The following IMMP2L variants were observed in gnomAD, a reference collection of about 807,000 sequenced individuals.
IMMP2L encodes the protein inner mitochondrial membrane peptidase subunit 2.
IMMP2L carries 18 observed loss-of-function variants against 19.3 expected under a neutral mutation model. That is an observed-to-expected ratio of 0.93 (90% CI 0.64 to 1.38). IMMP2L has a LOEUF of 1.38. Among genes scored for constraint, IMMP2L ranks in the 40% most tolerant of loss-of-function variants. IMMP2L has a pLI of 0.00. For missense variants in IMMP2L, 233 were observed against 218.2 expected (o/e 1.07, Z -0.43); for synonymous variants, 76 against 73.0 (o/e 1.04, Z -0.21).
chr7:110,720,491 T>TAAC (rs1795499052), intron 5 of IMMP2L, among the ~76,000 whole-genome samples: 1 of 152,188 alleles, frequency 6.6e-6, no homozygotes, highest in African/African-American at 2.4e-5. Context: ...TTGTCATAAC[T>TAAC]TTGTGAGGTT....
At chr7:111,471,074 A>C (rs529034895) in intron 3 of IMMP2L, among the ~76,000 whole-genome samples, 1 of 152,060 alleles carries the variant, frequency 6.6e-6, no homozygotes, top group Non-Finnish European at 1.5e-5. Context: ...CATTGGATTT[A>C]GCAATGAGAA....
chr7:110,932,342 T>C (rs900728032), intron 4 of IMMP2L, among the ~76,000 whole-genome samples: 7 of 152,164 alleles, frequency 4.6e-5, no homozygotes, highest in Admixed American at 3.3e-4. Flanking sequence ...TGTGTATTTA[T>C]TGAGAATGCA....
chr7:111,099,575 C>G (rs1016559417), intron 3 of IMMP2L, among the ~76,000 whole-genome samples: 1 of 151,676 alleles, frequency 6.6e-6, no homozygotes, highest in Non-Finnish European at 1.5e-5. Flanking sequence ...TTCAACTTGA[C>G]TGTCCTACAA....
chr7:111,288,256 G>A (rs1265840731), intron 3 of IMMP2L, among the ~76,000 whole-genome samples: 3 of 152,112 alleles, frequency 2.0e-5, no homozygotes, highest in South Asian at 2.1e-4. Context: ...CGTATTTGGT[G>A]GATTTAGGTT....
At chr7:111,279,021 C>T (rs1819409188) in intron 3 of IMMP2L, among the ~76,000 whole-genome samples, 2 of 151,976 alleles carry the variant, frequency 1.3e-5, no homozygotes, top group African/African-American at 4.8e-5. Flanking sequence ...CCATAAAAAT[C>T]AATTAACCTA....
chr7:111,522,283 C>T (rs577704394), intron 1 of IMMP2L, among the ~76,000 whole-genome samples: 4 of 151,970 alleles, frequency 2.6e-5, no homozygotes, highest in Non-Finnish European at 5.9e-5. Flanking sequence ...ACTTCAAAAG[C>T]ACAGTCAATC....
intron 5 of IMMP2L, among the ~76,000 whole-genome samples, chr7:110,726,726 C>T (rs1417784437): frequency 1.3e-5 from 2 of 152,120 alleles, no homozygotes; most frequent in Non-Finnish European, 2.9e-5. Flanking sequence ...TTTTGATGTG[C>T]GTATAGACTG....
chr7:111,351,556 T>G (rs1563091068), intron 3 of IMMP2L, among the ~76,000 whole-genome samples: 1 of 152,160 alleles, frequency 6.6e-6, no homozygotes, highest in Non-Finnish European at 1.5e-5. Flanking sequence ...CAGGAGCAAT[T>G]CATCACCAAC....
intron 3 of IMMP2L, chr7:111,411,714 A>G: frequency 4.9e-6 from 1 of 203,904 alleles, no homozygotes; most frequent in East Asian, 1.3e-4. Flanking sequence ...TTCAAGGGCC[A>G]GGTGCACATC....
chr7:111,364,248 C>T (rs56399656), intron 3 of IMMP2L, among the ~76,000 whole-genome samples: 1 of 151,998 alleles, frequency 6.6e-6, no homozygotes, highest in African/African-American at 2.4e-5. Flanking sequence ...ATAGCCAGCT[C>T]TTATAATTAG....
chr7:110,782,886 A>G (rs1036970756), intron 5 of IMMP2L, among the ~76,000 whole-genome samples: 1 of 151,938 alleles, frequency 6.6e-6, no homozygotes, highest in Non-Finnish European at 1.5e-5. Flanking sequence ...ATGTAGAAAG[A>G]TCAGAAAAGA....
intron 3 of IMMP2L, among the ~76,000 whole-genome samples, chr7:111,029,267 T>G (rs1382283084): frequency 1.3e-5 from 2 of 152,092 alleles, no homozygotes; most frequent in Non-Finnish European, 2.9e-5. Context: ...AACAGAGAAT[T>G]ACATCAGGGA....
At chr7:111,200,995 T>C (rs1250161581) in intron 3 of IMMP2L, among the ~76,000 whole-genome samples, 1 of 152,172 alleles carries the variant, frequency 6.6e-6, no homozygotes, top group Non-Finnish European at 1.5e-5. Context: ...AAAATTCTTT[T>C]GGAAAATTCT....
chr7:110,903,462 T>G (rs957344589), intron 4 of IMMP2L, among the ~76,000 whole-genome samples: 20 of 152,204 alleles, frequency 1.3e-4, no homozygotes, highest in African/African-American at 4.8e-4. Flanking sequence ...TTTGATTCCA[T>G]TGATTTGACT....
intron 5 of IMMP2L, among the ~76,000 whole-genome samples, chr7:110,734,639 C>A (rs1584655731): frequency 1.3e-5 from 2 of 152,188 alleles, no homozygotes; most frequent in East Asian, 3.9e-4. Flanking sequence ...ATTAGAAAAT[C>A]AGGATGGATA....
rs535152215 is a variant in IMMP2L, at chr7:111,060,876, CACTT to C, written c.240-97315_240-97312del. On this transcript the variant is annotated intron_variant, in intron 3 of 5. Transcript: ENST00000405709. ...TACTGTCCTAAAACTTTAGCTATTT[CACTT>C]ACTTAGATGAATTTCATCCTCACAA... Among the ~76,000 whole-genome samples, 46 of 152,322 alleles carry C rather than the reference CACTT, an allele frequency of 3.0e-4. No individual in the cohort carries two copies. The East Asian group carries it at 4.6e-3, about 15-fold the overall frequency.
intron 1 of IMMP2L, among the ~76,000 whole-genome samples, chr7:111,534,286 A>G (rs930191149): frequency 2.0e-5 from 3 of 152,122 alleles, no homozygotes; most frequent in African/African-American, 7.2e-5. Context: ...ATGTAAATAA[A>G]TTATGACATG....
At chr7:110,947,948 G>T (rs1817422267) in intron 4 of IMMP2L, among the ~76,000 whole-genome samples, 1 of 152,088 alleles carries the variant, frequency 6.6e-6, no homozygotes, top group Non-Finnish European at 1.5e-5. Flanking sequence ...ATGACTTGCT[G>T]CTCTCCATAC....
chr7:111,239,380 T>A lies in IMMP2L; in HGVS notation c.239+247858A>T, dbSNP rs114910975. On this transcript the variant is annotated intron_variant, in intron 3 of 5. Coordinates refer to ENST00000405709, the MANE Select transcript of IMMP2L (RefSeq NM_032549.4). ...CAAACGAATTAACAACAAACCATTG[T>A]TAATTTTCACAAACTTTCGATAAAA... Among the ~76,000 whole-genome samples the A allele has an allele frequency of 9.0e-3, 1,367 of 152,074 alleles. 28 individuals are homozygous for A. The highest frequency in any genetic ancestry group is 0.032 in the African/African-American group (1,309 of 41,532).
Sources: gnomAD v4.1 joint callset for allele counts (sites outside exome capture counted in the v4.1 genomes callset) on GRCh38, gnomAD v4.1.1 for gene constraint, MANE v1.5 for transcripts, NCBI Gene and HGNC (gene_info 2026-07-23, HGNC 2026-07-21) for gene names.